Variants in ANKRD18B observed in about 807,000 individuals in gnomAD.
ANKRD18B encodes ankyrin repeat domain 18B, also known as ankyrin repeat domain-containing protein 18B.
A neutral mutation model predicts 111.8 loss-of-function variants in ANKRD18B; 75 were observed. The ratio of observed to expected loss-of-function variants is 0.67; its 90% CI spans 0.56 to 0.81. ANKRD18B has a LOEUF of 0.81. Among genes scored for constraint, ANKRD18B ranks in the 40% least tolerant of loss-of-function variants. The pLI is 0.00. For missense variants in ANKRD18B, 1,038 were observed against 1,225.5 expected (o/e 0.85, Z 2.28); for synonymous variants, 356 against 417.3 (o/e 0.85, Z 1.79).
rs1828134354 is a variant in ANKRD18B, at chr9:33,532,625, AT to A, written c.496-813del. ...CATGGAGTATTTAATAATAAGGAAA[AT>A]AAGTGCATTTGAAGCCAATCTCTCT... On this transcript the variant is annotated intron_variant, in intron 3 of 18. Transcript: ENST00000684830. 2.0e-5 allele frequency among the ~76,000 whole-genome samples: 3 copies of A among 152,300 alleles called. No individual in the cohort carries two copies. In the South Asian group the frequency reaches 6.2e-4, roughly 32 times the overall value.
At chr9:33,573,947 T>C (rs1262278835), downstream of ANKRD18B, among the ~76,000 whole-genome samples, 3 of 144,122 alleles carry the variant, frequency 2.1e-5, 1 homozygote, top group Non-Finnish European at 4.7e-5. Context: ...TAGTGGGGCC[T>C]GATCGGTTGG....
At chr9:33,534,546 A>G in intron 5 of ANKRD18B, 39 bp downstream of exon 5, 1 of 1,478,558 alleles carries the variant, frequency 6.8e-7, no homozygotes. Flanking sequence ...ATACTAAATT[A>G]AGGTTTTAAA....
chr9:33,562,343 T>C lies in ANKRD18B; in HGVS notation c.2461-3876T>C, dbSNP rs551959244. Among the ~76,000 whole-genome samples the C allele has an allele frequency of 3.3e-5, 5 of 151,642 alleles. No individual in the cohort carries two copies. In the South Asian group the frequency reaches 1.1e-3, roughly 32 times the overall value. ...ATCATCTTTCAGTTCACAGATCCTCTTTCCACCTGGCATCTTGTTCTGTTG... is the reference window on the plus strand; with the variant it reads ...ATCATCTTTCAGTTCACAGATCCTCCTTCCACCTGGCATCTTGTTCTGTTG... On this transcript the variant is annotated intron_variant, in intron 14 of 18. Coordinates refer to ENST00000684830, the MANE Select transcript of ANKRD18B (RefSeq NM_001393611.1).
chr9:33,566,642 CG>C (rs367701863), intron 15 of ANKRD18B, 142 bp downstream of exon 15: 35 of 976,426 alleles, frequency 3.6e-5, no homozygotes, highest in African/African-American at 2.1e-4. Context: ...AAAAAAGTGA[CG>C]TTTTTTCCTT....
chr9:33,568,782 T>C lies in ANKRD18B; in HGVS notation c.3066T>C (p.Val1022=). 1 of 1,551,464 alleles carries C rather than the reference T, an allele frequency of 6.4e-7. No homozygotes were observed. The highest frequency in any genetic ancestry group is 1.2e-5 in the South Asian group (1 of 84,038). The part of the protein sequence containing the change: ...PMRPDPELPC[V]ENLNSIELNR... ...GGCCAGACCCAGAGTTACCTTGTGTTGAAAATCTTAATAGTATAGAACTCA... is the reference window on the plus strand; with the variant it reads ...GGCCAGACCCAGAGTTACCTTGTGTCGAAAATCTTAATAGTATAGAACTCA... The change falls in exon 17 of 19, where the codon GTT becomes GTC. Residue 1022 remains valine (V), a synonymous_variant. Coordinates refer to ENST00000684830, the MANE Select transcript of ANKRD18B (RefSeq NM_001393611.1).
At chr9:33,564,936 CT>C (rs1828663881) in intron 14 of ANKRD18B, among the ~76,000 whole-genome samples, 1 of 151,832 alleles carries the variant, frequency 6.6e-6, no homozygotes, top group South Asian at 2.1e-4. Context: ...GTTTGAGTTC[CT>C]TGTGTATTTT....
intron 6 of ANKRD18B, among the ~76,000 whole-genome samples, chr9:33,537,838 CT>C (rs1439774938): frequency 6.6e-6 from 1 of 152,066 alleles, no homozygotes; most frequent in Admixed American, 6.6e-5. Context: ...ATATACTATG[CT>C]TTTAGAATAA....
chr9:33,560,506 T>A (rs563749855), intron 14 of ANKRD18B, among the ~76,000 whole-genome samples: 218 of 152,392 alleles, frequency 1.4e-3, no homozygotes, highest in African/African-American at 5.0e-3. Context: ...CTTCCATATC[T>A]GCCTAGGCAT....
chr9:33,548,115 AGT>A lies in ANKRD18B; in HGVS notation c.1330_1331del (p.Val444LysfsTer4). On this transcript the variant is annotated frameshift_variant, in exon 11 of 19. Transcript: ENST00000684830. LOFTEE classifies it high-confidence loss of function. ...AGAAATAAATGCTAACTTTGAAAAGAGTGTAAGACTCAATGAAGAAATGATAA... is the reference window on the plus strand; with the variant it reads ...AGAAATAAATGCTAACTTTGAAAAGAGTAAGACTCAATGAAGAAATGATAA... ...ITEINANFEK[S>X]VRLNEEMITK... The A allele has an allele frequency of 6.5e-7, 1 of 1,529,298 alleles. No homozygotes were observed. The highest frequency in any genetic ancestry group is 8.8e-7 in the Non-Finnish European group (1 of 1,139,290). 94.7% of individuals were successfully genotyped at this position (1,529,298 alleles called of 1,614,324 possible). A position where few individuals can be genotyped will look rare whatever the true frequency, so the allele number is the denominator to read the frequency against.
rs1828804883 is a variant in ANKRD18B, at chr9:33,572,927, A to G, written c.*493A>G. 4 of 250,370 alleles carry G rather than the reference A, an allele frequency of 1.6e-5. No homozygotes were observed. The highest frequency in any genetic ancestry group is 2.6e-5 in the Non-Finnish European group (4 of 151,956). 15.5% of individuals were successfully genotyped at this position (250,370 alleles called of 1,614,324 possible). ...TTGTGTTTGAACAAGTATTACTGTG[A>G]TGGTTGCCAGATGATTATTTTTCTT... On this transcript the variant is annotated 3_prime_UTR_variant, in exon 19 of 19. Transcript: ENST00000684830.
At chr9:33,574,383 G>A (rs576633267), downstream of ANKRD18B, 1 of 155,294 alleles carries the variant, frequency 6.4e-6, no homozygotes, top group South Asian at 2.1e-4. Context: ...TTTTTCTGTG[G>A]AGTCTCCTTG....
intron 3 of ANKRD18B, among the ~76,000 whole-genome samples, chr9:33,531,845 A>C (rs930143234): frequency 6.6e-6 from 1 of 151,680 alleles, no homozygotes; most frequent in African/African-American, 2.4e-5. Context: ...GCTCATAAGA[A>C]TGCCTAGAAG....
At chr9:33,539,834 G>T (rs1198894643) in intron 7 of ANKRD18B, among the ~76,000 whole-genome samples, 1 of 150,416 alleles carries the variant, frequency 6.6e-6, no homozygotes, top group African/African-American at 2.5e-5. Context: ...GACTTGTTTT[G>T]GTTGTCCAGT....
At chr9:33,570,403 A>T (rs181741986) in intron 17 of ANKRD18B, among the ~76,000 whole-genome samples, 2 of 152,132 alleles carry the variant, frequency 1.3e-5, no homozygotes, top group African/African-American at 4.8e-5. Flanking sequence ...ATTCCTCAAT[A>T]TACTTTTGGA....
At chr9:33,547,681 AGTGTGTGTGTGTGT>A (rs55918212) in intron 10 of ANKRD18B, among the ~76,000 whole-genome samples, 8,320 of 146,194 alleles carry the variant, frequency 0.057, 250 homozygotes, top group Middle Eastern at 0.08. Flanking sequence ...AATTCTCTAG[AGTGTGTGTGTGTGT>A]GTGTGTGTGT....
At chr9:33,547,326 A>G (rs1339249071) in intron 10 of ANKRD18B, among the ~76,000 whole-genome samples, 1 of 152,172 alleles carries the variant, frequency 6.6e-6, no homozygotes, top group African/African-American at 2.4e-5. Flanking sequence ...AAGGATTGTG[A>G]TAACTAAATA....
At chr9:33,558,728 T>C (rs7869535) in intron 14 of ANKRD18B, among the ~76,000 whole-genome samples, 5,944 of 152,256 alleles carry the variant, frequency 0.039, 127 homozygotes, top group East Asian at 0.061. Context: ...GTTTGGGGAT[T>C]AAAATTATGT....
chr9:33,542,621 C>T (rs185192063), intron 9 of ANKRD18B, among the ~76,000 whole-genome samples: 24 of 152,192 alleles, frequency 1.6e-4, no homozygotes, highest in African/African-American at 5.8e-4. Flanking sequence ...GCAGTTATCT[C>T]ACCTGGGCCT....
chr9:33,558,353 C>A (rs117705770), intron 14 of ANKRD18B, among the ~76,000 whole-genome samples, 166 bp downstream of exon 14: 1,689 of 152,256 alleles, frequency 0.011, 18 homozygotes, highest in Non-Finnish European at 0.018. Context: ...GATGCTCCCC[C>A]TCCTGACCCC....
Sources: allele counts gnomAD v4.1 joint callset (sites outside exome capture counted in the v4.1 genomes callset), GRCh38; gene constraint gnomAD v4.1.1; transcripts MANE v1.5; gene names NCBI Gene and HGNC (gene_info 2026-07-23, HGNC 2026-07-21).